CDC42EP4: variants seen among roughly 807,000 people sequenced by gnomAD.
CDC42EP4 encodes CDC42 effector protein (Rho GTPase binding) 4.
A neutral mutation model predicts 5.6 loss-of-function variants in CDC42EP4; 6 were observed. The ratio of observed to expected loss-of-function variants is 1.07; its 90% confidence interval spans 0.59 to 2.12. The LOEUF (loss-of-function observed/expected upper bound fraction) is 2.12, where lower values mean the gene tolerates loss of function less well. Ranked by LOEUF, CDC42EP4 falls within the 30% of genes most tolerant of loss-of-function variation. CDC42EP4 has a pLI of 0.00. For missense variants in CDC42EP4, 490 were observed against 508.6 expected (o/e 0.96, Z 0.35); for synonymous variants, 230 against 224.2 (o/e 1.03, Z -0.23).
chr17:73,292,089 C>T (rs75537040), intron 1 of CDC42EP4, among the ~76,000 whole-genome samples: 479 of 152,342 alleles, frequency 3.1e-3, no homozygotes, highest in African/African-American at 0.011. Context: ...TTGAGGCAGG[C>T]GCCAGACCTG....
chr17:73,297,132 A>C (rs2062191832), intron 1 of CDC42EP4, among the ~76,000 whole-genome samples: 1 of 149,948 alleles, frequency 6.7e-6, no homozygotes, highest in Non-Finnish European at 1.5e-5. Flanking sequence ...CATCTCTACT[A>C]AAAATACAAA....
At chr17:73,299,080 C>T (rs1288563527) in intron 1 of CDC42EP4, among the ~76,000 whole-genome samples, 1 of 151,902 alleles carries the variant, frequency 6.6e-6, no homozygotes, top group Non-Finnish European at 1.5e-5. Context: ...GCCTCAGTCT[C>T]CCAAGTAGCT....
intron 1 of CDC42EP4, among the ~76,000 whole-genome samples, chr17:73,291,010 C>T (rs2062158924): frequency 6.6e-6 from 1 of 152,196 alleles, no homozygotes; most frequent in East Asian, 1.9e-4. Context: ...CACCACCCAG[C>T]ACATCCTTGC....
Position 73,285,404 on chromosome 17 carries a change from C to T in CDC42EP4, c.*26G>A, listed in dbSNP as rs2062126301. ...GGCAGGGAGAAGATGCAGCCAAGAG[C>T]TCCCGGTGGCCACCCACTGTCCGCC... On this transcript the variant is annotated 3_prime_UTR_variant, in exon 2 of 2. Coordinates refer to ENST00000335793, the MANE Select transcript of CDC42EP4 (RefSeq NM_012121.5). This position sits in a 1 kb window ranked among gnomAD's most constrained non-coding sequence, Gnocchi z 6.8. 1.3e-6 allele frequency: 2 copies of T among 1,520,664 alleles called. No individual in the cohort carries two copies. The highest frequency in any genetic ancestry group is 1.3e-5 in the South Asian group (1 of 79,766). The allele number at this position is 1,520,664 out of a possible 1,614,324, so 94.2% of individuals were successfully genotyped here.
chr17:73,293,403 C>T (rs970943796), intron 1 of CDC42EP4, among the ~76,000 whole-genome samples: 7 of 152,052 alleles, frequency 4.6e-5, no homozygotes, highest in African/African-American at 7.2e-5. Context: ...TAGAGACACC[C>T]GGGATTGTGG....
At chr17:73,288,567 C>T (rs2062145237) in intron 1 of CDC42EP4, among the ~76,000 whole-genome samples, 1 of 152,082 alleles carries the variant, frequency 6.6e-6, no homozygotes, top group African/African-American at 2.4e-5. Context: ...GCGCCTGGTC[C>T]ATCCAGAGGG....
At chr17:73,288,460 T>C (rs1331287838) in intron 1 of CDC42EP4, among the ~76,000 whole-genome samples, 1 of 151,446 alleles carries the variant, frequency 6.6e-6, no homozygotes, top group African/African-American at 2.4e-5. Context: ...AGTTTCACCA[T>C]GTTGGTCAGG....
At chr17:73,304,650 CGGGGTGGGGG>C (rs1463628570) in intron 1 of CDC42EP4, among the ~76,000 whole-genome samples, 1 of 10,428 alleles carries the variant, frequency 9.6e-5, no homozygotes, top group Admixed American at 1.1e-3. Context: ...TAAGGAACAT[CGGGGTGGGGG>C]GGGCGGGTGG....
intron 1 of CDC42EP4, among the ~76,000 whole-genome samples, chr17:73,302,694 G>A (rs996685428): frequency 2.0e-5 from 3 of 152,130 alleles, no homozygotes; most frequent in African/African-American, 7.2e-5. Context: ...TGGGATTACA[G>A]ATACGAGCCA....
intron 1 of CDC42EP4, chr17:73,310,748 C>CACACACAA (rs2062269556): frequency 6.8e-5 from 1 of 14,712 alleles, no homozygotes; most frequent in Admixed American, 4.9e-4. Context: ...CCCAGTCACA[C>CACACACAA]ACACACACAC....
intron 1 of CDC42EP4, among the ~76,000 whole-genome samples, chr17:73,300,110 C>T (rs981217518): frequency 2.6e-5 from 4 of 152,222 alleles, no homozygotes; most frequent in African/African-American, 9.6e-5. Flanking sequence ...CGTGACCCAA[C>T]ACCACTTGCC....
At chr17:73,291,259 G>C (rs2062160096) in intron 1 of CDC42EP4, among the ~76,000 whole-genome samples, 1 of 152,162 alleles carries the variant, frequency 6.6e-6, no homozygotes, top group Non-Finnish European at 1.5e-5. Context: ...GGTCCTGAGA[G>C]AGTTGGGGCC....
chr17:73,299,460 C>T lies in CDC42EP4; in HGVS notation c.-113+12433G>A, dbSNP rs866548084. Among the ~76,000 whole-genome samples the T allele has an allele frequency of 3.7e-3, 560 of 150,804 alleles. 3 individuals carry two copies. Among genetic ancestry groups the T allele is most frequent in the African/African-American group, 0.013 (531 of 40,988 alleles). ...AAAAAAAAATACACACACACACACACACACACACACACACACACATTTTTA... is the reference window on the plus strand; with the variant it reads ...AAAAAAAAATACACACACACACACATACACACACACACACACACATTTTTA... On this transcript the variant is annotated intron_variant, in intron 1 of 1. Transcript: ENST00000335793.
chr17:73,287,611 A>T (rs1599429310), intron 1 of CDC42EP4, among the ~76,000 whole-genome samples: 1 of 152,176 alleles, frequency 6.6e-6, no homozygotes, highest in Non-Finnish European at 1.5e-5. Flanking sequence ...GGCTTGCCCC[A>T]AATACTAAGC....
chr17:73,289,904 A>C (rs569903610), intron 1 of CDC42EP4, among the ~76,000 whole-genome samples: 6 of 152,280 alleles, frequency 3.9e-5, no homozygotes, highest in East Asian at 1.9e-4. Context: ...AGAGAAAAAG[A>C]AGCAGCAGAA....
At chr17:73,292,825 T>A in intron 1 of CDC42EP4, among the ~76,000 whole-genome samples, 1 of 152,330 alleles carries the variant, frequency 6.6e-6, no homozygotes, top group South Asian at 2.1e-4. Context: ...CCAGGCCACA[T>A]AAAGAGTTCT....
intron 1 of CDC42EP4, among the ~76,000 whole-genome samples, chr17:73,305,615 G>A (rs1003913300): frequency 6.6e-6 from 1 of 152,330 alleles, no homozygotes; most frequent in South Asian, 2.1e-4. Flanking sequence ...GTCACAAGGT[G>A]GCCTGCCACG....
In CDC42EP4 at chr17:73,300,488, A is replaced by G. The variant is rs376303160; in HGVS notation, c.-113+11405T>C. On this transcript the variant is annotated intron_variant, in intron 1 of 1. Coordinates refer to ENST00000335793, the MANE Select transcript of CDC42EP4 (RefSeq NM_012121.5). ...TACTTCCACTTTATGCCTTCTCTCT[A>G]TGAGTTAATAATAATTGACCCTCCA... 1.1e-4 allele frequency among the ~76,000 whole-genome samples: 16 copies of G among 152,306 alleles called. No individual in the cohort carries two copies. The East Asian group carries it at 2.5e-3, about 24-fold the overall frequency.
chr17:73,310,743 TCACACACACACA>T (rs57841496), intron 1 of CDC42EP4: 22,873 of 134,484 alleles, frequency 0.17, 2,099 homozygotes, highest in South Asian at 0.22. Context: ...CCTCCCCCAG[TCACACACACACA>T]CACACACACA....
Sources: allele counts gnomAD v4.1 joint callset (sites outside exome capture counted in the v4.1 genomes callset), GRCh38; gene constraint gnomAD v4.1.1; non-coding constraint Gnocchi (gnomAD v3.1); transcripts MANE v1.5; gene names NCBI Gene and HGNC (gene_info 2026-07-23, HGNC 2026-07-21).